The following TKFC variants were observed in gnomAD, a reference collection of about 807,000 sequenced individuals.
The protein encoded by TKFC is triokinase/FMN cyclase.
In TKFC, 46 loss-of-function variants were observed where a neutral mutation model predicts 61.0. That is an observed-to-expected ratio of 0.75 (90% confidence interval 0.60 to 0.96). The LOEUF is 0.96. Among genes scored for constraint, TKFC ranks in the 50% least tolerant of loss-of-function variants. TKFC has a pLI of 0.00. For synonymous variants in TKFC, 314 were observed against 330.1 expected (o/e 0.95, Z 0.53); for missense variants, 715 against 777.5 (o/e 0.92, Z 0.96).
downstream of TKFC, chr11:61,349,622 C>A (rs1368911566): frequency 7.1e-6 from 5 of 702,866 alleles, no homozygotes; most frequent in East Asian, 1.3e-4. Flanking sequence ...GGCCGGGATC[C>A]AGGCCTCAGC....
chr11:61,334,380 C>G (rs972371542), intron 1 of TKFC: 6 of 256,224 alleles, frequency 2.3e-5, no homozygotes, highest in East Asian at 1.8e-4. Flanking sequence ...GAAGTGGGTG[C>G]TGTTCCTGGA....
In TKFC at chr11:61,348,064, C is replaced by G. The variant is rs559571223; in HGVS notation, c.*1561C>G. 11 of 985,448 alleles carry G rather than the reference C, an allele frequency of 1.1e-5. No individual in the cohort carries two copies. In the South Asian group the frequency reaches 1.9e-4, roughly 17 times the overall value. The allele number at this position is 985,448 out of a possible 1,614,324, so 61.0% of individuals were successfully genotyped here. On this transcript the variant is annotated 3_prime_UTR_variant, in exon 18 of 18. Transcript: ENST00000394900. ...TGGGCTTCTCTACCCAGGGTCCTGTCTGTCGGCTGCACCATACGTCCCTGA... is the reference window on the plus strand; with the variant it reads ...TGGGCTTCTCTACCCAGGGTCCTGTGTGTCGGCTGCACCATACGTCCCTGA...
At chr11:61,349,292 G>C, downstream of TKFC, 1 of 467,782 alleles carries the variant, frequency 2.1e-6, no homozygotes, top group Non-Finnish European at 4.0e-6. Context: ...AGCAATGTGG[G>C]TCTCAGCAAG....
chr11:61,345,471 C>G lies in TKFC; in HGVS notation c.1357C>G (p.Leu453Val). The G allele has an allele frequency of 6.2e-7, 1 of 1,613,348 alleles. No homozygotes were observed. Among genetic ancestry groups the G allele is most frequent in the Non-Finnish European group, 8.5e-7 (1 of 1,179,954 alleles). Residue 453 changes from leucine (L) to valine (V), a missense_variant, in exon 15 of 18, where the codon CTG becomes GTG. Physicochemically the swap from Leu to Val is conservative, Grantham distance 32. Transcript: ENST00000394900. ...MGGSSGALYG[L>V]FLTAAAQPLK... ...TTGTCATCTTCCCCAGCTCTATGGC[C>G]TGTTCCTGACTGCGGCTGCACAGCC... is the stretch of plus-strand genomic sequence containing the variant.
At chr11:61,334,525 G>C in intron 1 of TKFC, 95 bp from the exon 2 acceptor site, 1 of 609,222 alleles carries the variant, frequency 1.6e-6, no homozygotes. Context: ...ACCGAAGTCT[G>C]GGGCAGCTCC....
chr11:61,350,917 C>T (rs192139282), downstream of TKFC: 3 of 1,525,546 alleles, frequency 2.0e-6, no homozygotes, highest in East Asian at 4.7e-5. Context: ...TTGTCAAGGC[C>T]CCAGCCTTTC....
At position 61,347,419 on chromosome 11, in the gene TKFC, A is replaced by G. The variant is rs2135074178; in HGVS notation, c.*916A>G. 1 of 881,058 alleles carries G rather than the reference A, an allele frequency of 1.1e-6. No homozygotes were observed. The highest frequency in any genetic ancestry group is 1.4e-6 in the Non-Finnish European group (1 of 735,022). 54.6% of individuals were successfully genotyped at this position (881,058 alleles called of 1,614,324 possible). ...TAGCCAGGCATAGTAGTGTGTGCCT[A>G]TAGTCCTAACTTGGGAGGCTGAGTT... On this transcript the variant is annotated 3_prime_UTR_variant, in exon 18 of 18. Coordinates refer to ENST00000394900, the MANE Select transcript of TKFC (RefSeq NM_015533.4).
chr11:61,343,919 G>A lies in TKFC; in HGVS notation c.1046G>A (p.Arg349Gln), dbSNP rs762377449. 24 of 1,611,166 alleles carry A rather than the reference G, an allele frequency of 1.5e-5. No homozygotes were observed. The Admixed American group carries it at 1.8e-4, about 12-fold the overall frequency. Residue 349 changes from arginine (R) to glutamine (Q), a missense_variant, in exon 12 of 18, where the codon CGG becomes CAG. Coordinates refer to ENST00000394900, the MANE Select transcript of TKFC (RefSeq NM_015533.4). ...GCAGTCTCCATTACTGGGCGGAAGC[G>A]GAGCCGGGTAGCCCCTGCCGAGCCC... ...VAAVSITGRKRSRVAPAEPQE... is the reference protein window; with the variant it reads ...VAAVSITGRKQSRVAPAEPQE...
In TKFC at chr11:61,346,204, C is replaced by G. The variant is rs1235573695; in HGVS notation, c.1576-147C>G. 8.6e-6 allele frequency: 13 copies of G among 1,517,352 alleles called. No individual in the cohort carries two copies. The highest frequency in any genetic ancestry group is 6.3e-5 in the South Asian group (5 of 79,424). The allele number at this position is 1,517,352 out of a possible 1,614,324, so 94.0% of individuals were successfully genotyped here. ...CTGGAAGTAGATGAGAAGTGACTTTCCATTTGGTGACAGAGCAGAGGGTGC... is the reference window on the plus strand; with the variant it reads ...CTGGAAGTAGATGAGAAGTGACTTTGCATTTGGTGACAGAGCAGAGGGTGC... On this transcript the variant is annotated intron_variant, in intron 17 of 17. Coordinates refer to ENST00000394900, the MANE Select transcript of TKFC (RefSeq NM_015533.4). The surrounding 1 kb of genome is among the most constrained non-coding windows in gnomAD (Gnocchi z 4.1).
chr11:61,341,419 C>T lies in TKFC; in HGVS notation c.487-17C>T, dbSNP rs992272583. On this transcript the variant is annotated splice_polypyrimidine_tract_variant and intron_variant, in intron 5 of 17. Transcript: ENST00000394900. ...GATACCCTCCCCCCTGGGGCTTTTACCTCTTTGTGGCTGCAGGTGGCAGGT... is the reference window on the plus strand; with the variant it reads ...GATACCCTCCCCCCTGGGGCTTTTATCTCTTTGTGGCTGCAGGTGGCAGGT... 8 of 1,551,718 alleles carry T rather than the reference C, an allele frequency of 5.2e-6. No homozygotes were observed. The highest frequency in any genetic ancestry group is 2.4e-5 in the East Asian group (1 of 40,940).
downstream of TKFC, chr11:61,349,396 A>G (rs1319448462): frequency 1.6e-6 from 1 of 614,892 alleles, no homozygotes; most frequent in Non-Finnish European, 3.0e-6. Context: ...CAGAGTGGTC[A>G]GAGGGGCTGG....
intron 7 of TKFC, 43 bp from the exon 8 acceptor site, chr11:61,342,418 C>T (rs1467346479): frequency 5.0e-6 from 8 of 1,613,424 alleles, no homozygotes; most frequent in Non-Finnish European, 6.8e-6. Flanking sequence ...TGAGCAAATC[C>T]CCAGGCCTTG....
chr11:61,341,544 G>T, intron 6 of TKFC, 30 bp downstream of exon 6: 2 of 1,552,312 alleles, frequency 1.3e-6, no homozygotes, highest in Non-Finnish European at 1.7e-6. Flanking sequence ...CTGGGGAAGA[G>T]AGTGGGGAAG....
chr11:61,338,837 A>G (rs1856724869), intron 3 of TKFC, among the ~76,000 whole-genome samples: 1 of 152,186 alleles, frequency 6.6e-6, no homozygotes, highest in African/African-American at 2.4e-5. Context: ...GCAAAGGAAC[A>G]GTGAGTCCCT....
Position 61,346,535 on chromosome 11 carries a change from C to T in TKFC, c.*32C>T. On this transcript the variant is annotated 3_prime_UTR_variant, in exon 18 of 18. Transcript: ENST00000394900. The surrounding 1 kb of genome is among the most constrained non-coding windows in gnomAD (Gnocchi z 4.1). ...TGACTGCCTCCCTTGGCCTCAGCTC[C>T]TCTCACTGCTGTGCTGAGGTGGCCT... 1 of 1,569,088 alleles carries T rather than the reference C, an allele frequency of 6.4e-7. No individual in the cohort carries two copies. Among genetic ancestry groups the T allele is most frequent in the Non-Finnish European group, 8.6e-7 (1 of 1,157,922 alleles).
rs763121411 is a variant in TKFC, at chr11:61,342,775, G to C, written c.796G>C (p.Val266Leu). 6.2e-7 allele frequency: 1 copy of C among 1,614,018 alleles called. No homozygotes were observed. Among genetic ancestry groups the C allele is most frequent in the Non-Finnish European group, 8.5e-7 (1 of 1,180,016 alleles). Residue 266 changes from valine to leucine, a missense_variant, in exon 10 of 18, where the codon GTC (valine) becomes CTC (leucine). Coordinates refer to ENST00000394900, the MANE Select transcript of TKFC (RefSeq NM_015533.4). ...CGCAGGCTCCTCAGTTGTGATGATG[G>C]TCAACAACCTGGGTGGCCTGTCATT... ...VQPGSSVVMM[V>L]NNLGGLSFLE...
At position 61,343,458 on chromosome 11, in the gene TKFC, G is replaced by A. The variant is rs1856965669; in HGVS notation, c.982G>A (p.Asp328Asn). 3.1e-6 allele frequency: 5 copies of A among 1,613,824 alleles called. No homozygotes were observed. The highest frequency in any genetic ancestry group is 4.2e-6 in the Non-Finnish European group (5 of 1,179,738). ...LVDEPLLKLI[D>N]AETTAAAWPN... ...GGATGAGCCTCTCCTGAAACTGATA[G>A]GTGAGACTTGGAACCTGGGGTCACC... The change falls in exon 11 of 18, where the codon GAT becomes AAT. Residue 328 changes from aspartate to asparagine, a missense_variant and splice_region_variant. Physicochemically the swap from Asp to Asn is conservative, Grantham distance 23. Coordinates refer to ENST00000394900, the MANE Select transcript of TKFC (RefSeq NM_015533.4).
downstream of TKFC, chr11:61,349,591 G>A (rs539405227): frequency 1.1e-5 from 8 of 703,000 alleles, no homozygotes; most frequent in South Asian, 7.4e-5. Context: ...GCCGGTGACA[G>A]ACACGTAAGT....
downstream of TKFC, chr11:61,352,872 C>T (rs1857478980): frequency 6.4e-7 from 1 of 1,572,520 alleles, no homozygotes; most frequent in African/African-American, 1.4e-5. Flanking sequence ...CAGGAGTGGA[C>T]CCAACCCCAA....
Sources: gnomAD v4.1 joint callset for allele counts (sites outside exome capture counted in the v4.1 genomes callset) on GRCh38, gnomAD v4.1.1 for gene constraint, Gnocchi (gnomAD v3.1) non-coding constraint, MANE v1.5 for transcripts, NCBI Gene and HGNC (gene_info 2026-07-23, HGNC 2026-07-21) for gene names.